The following SPAG16 variants were observed in gnomAD, a reference collection of about 807,000 sequenced individuals.
SPAG16 encodes sperm associated antigen 16, also known as sperm-associated antigen 16 protein.
A neutral mutation model predicts 80.4 loss-of-function variants in SPAG16; 86 were observed. The ratio of observed to expected loss-of-function variants is 1.07; its 90% CI spans 0.90 to 1.28. SPAG16 has a LOEUF of 1.28. Ranked by LOEUF, SPAG16 falls within the 50% of genes most tolerant of loss-of-function variation. The probability of loss-of-function intolerance (pLI) is 0.00; values close to 1 mark genes in which losing one functional copy is unlikely to be tolerated. For missense variants in SPAG16, 870 were observed against 765.3 expected, an observed-to-expected ratio of 1.14 and a Z score of -1.61; for synonymous variants, 294 against 265.9, an observed-to-expected ratio of 1.11 and a Z score of -1.03.
At position 214,114,618 on chromosome 2, in the gene SPAG16, C is replaced by G. The variant is rs1255733423; in HGVS notation, c.1593+6357C>G. Among the ~76,000 whole-genome samples the G allele has an allele frequency of 2.6e-5, 4 of 152,320 alleles. No homozygotes were observed. In the East Asian group the frequency reaches 5.8e-4, roughly 22 times the overall value. On this transcript the variant is annotated intron_variant, in intron 14 of 15. Coordinates refer to ENST00000331683, the MANE Select transcript of SPAG16 (RefSeq NM_024532.5). Reference sequence around the variant, plus strand: ...GGGACCCCCTGCCCCGAGCCAGGCACAGGAGAGAATCTCCTTGTCTGCCGG... The same window carrying G: ...GGGACCCCCTGCCCCGAGCCAGGCAGAGGAGAGAATCTCCTTGTCTGCCGG...
At chr2:213,985,798 A>G (rs10469665) in intron 12 of SPAG16, among the ~76,000 whole-genome samples, 1 of 151,848 alleles carries the variant, frequency 6.6e-6, no homozygotes, top group African/African-American at 2.4e-5. Flanking sequence ...AAATAGAAAG[A>G]CAGACAAGGA....
At chr2:213,468,323 AG>A (rs1393332191) in intron 9 of SPAG16, among the ~76,000 whole-genome samples, 1 of 150,208 alleles carries the variant, frequency 6.7e-6, no homozygotes, top group African/African-American at 2.4e-5. Context: ...TGTATTAGTC[AG>A]GGCTCTCTAG....
chr2:214,157,789 G>T (rs1274140535), intron 15 of SPAG16, among the ~76,000 whole-genome samples: 1 of 151,986 alleles, frequency 6.6e-6, no homozygotes, highest in Non-Finnish European at 1.5e-5. Context: ...ATTTATTCAG[G>T]AAACGAAGTC....
rs2078705778 is a variant in SPAG16 at position 213,930,568 on chromosome 2, TTTG to T, written c.1400+426_1400+428del. Among the ~76,000 whole-genome samples the T allele has an allele frequency of 2.6e-5, 4 of 152,338 alleles. No homozygotes were observed. The South Asian group carries it at 8.3e-4, about 32-fold the overall frequency. On this transcript the variant is annotated intron_variant, in intron 12 of 15. Coordinates refer to ENST00000331683, the MANE Select transcript of SPAG16 (RefSeq NM_024532.5). ...AAATAATTATTTTCTTTATGCTTAA[TTTG>T]TTATGTCGTGATATTCTTGATTAAA...
chr2:213,781,588 C>T (rs887677416), intron 10 of SPAG16, among the ~76,000 whole-genome samples: 4 of 152,070 alleles, frequency 2.6e-5, no homozygotes, highest in Non-Finnish European at 4.4e-5. Flanking sequence ...CTGCTCACAA[C>T]AGTATTTAAA....
At chr2:213,344,426 C>T (rs547491263) in intron 6 of SPAG16, among the ~76,000 whole-genome samples, 13 of 151,802 alleles carry the variant, frequency 8.6e-5, no homozygotes, top group Admixed American at 2.0e-4. Context: ...ATGTGCACAG[C>T]GTGCAGGTTT....
intron 10 of SPAG16, among the ~76,000 whole-genome samples, chr2:213,774,028 C>G (rs1473239249): frequency 1.3e-5 from 2 of 152,082 alleles, no homozygotes; most frequent in East Asian, 3.9e-4. Flanking sequence ...TCTGTTCACT[C>G]CTATTTTCTA....
intron 9 of SPAG16, among the ~76,000 whole-genome samples, chr2:213,407,903 A>T (rs1213657094): frequency 3.0e-5 from 4 of 134,296 alleles, no homozygotes; most frequent in Non-Finnish European, 6.4e-5. Flanking sequence ...GAGACAGGAG[A>T]GAGGCAGAGA....
intron 14 of SPAG16, among the ~76,000 whole-genome samples, chr2:214,130,382 A>G (rs2054705994): frequency 6.6e-6 from 1 of 152,176 alleles, no homozygotes. Context: ...CTGGTTCTGT[A>G]TTAACTTTGA....
chr2:213,833,473 A>ATATAATATATTATATATATT lies in SPAG16; in HGVS notation c.1071-29012_1071-29011insTATAATATATTATATATATT, dbSNP rs1431535446. On this transcript the variant is annotated intron_variant, in intron 10 of 15. Transcript: ENST00000331683. ...TATATATTATATATATATTATATAT[A>ATATAATATATTATATATATT]ATAATATATATATTATATATAATAT... Among the ~76,000 whole-genome samples the ATATAATATATTATATATATT allele has an allele frequency of 3.0e-3, 20 of 6,750 alleles. 6 individuals carry two copies. In the South Asian group the frequency reaches 0.039, roughly 13 times the overall value. 4.4% of individuals were successfully genotyped at this position (6,750 alleles called of 152,430 possible).
intron 14 of SPAG16, among the ~76,000 whole-genome samples, chr2:214,147,563 G>A (rs1164762598): frequency 6.6e-6 from 1 of 152,018 alleles, no homozygotes; most frequent in African/African-American, 2.4e-5. Flanking sequence ...CCTTATATTT[G>A]GAAAGAATTC....
chr2:214,205,223 A>G (rs565702202), intron 15 of SPAG16, among the ~76,000 whole-genome samples: 2 of 134,814 alleles, frequency 1.5e-5, no homozygotes, highest in African/African-American at 4.9e-5. Context: ...GACTCTGCCA[A>G]AAAAAAAGAA....
intron 10 of SPAG16, among the ~76,000 whole-genome samples, chr2:213,574,673 A>T (rs1477404806): frequency 6.7e-6 from 1 of 148,282 alleles, no homozygotes; most frequent in East Asian, 1.9e-4. Flanking sequence ...TATGATATAT[A>T]TATGATATAT....
intron 10 of SPAG16, among the ~76,000 whole-genome samples, chr2:213,512,088 C>T (rs543193977): frequency 1.4e-4 from 21 of 151,966 alleles, no homozygotes; most frequent in African/African-American, 5.1e-4. Flanking sequence ...TCATGGTTAT[C>T]AATGAATAAC....
Position 214,292,319 on chromosome 2 carries a change from G to GT in SPAG16, c.1721-117814dup, listed in dbSNP as rs533003690. ...TGGACTTGGAAAGTTTTGATTTATT[G>GT]TTTTTTTAAATAGGATCTTAACTAA... is the stretch of plus-strand genomic sequence containing the variant. On this transcript the variant is annotated intron_variant, in intron 15 of 15. Transcript: ENST00000331683. Among the ~76,000 whole-genome samples the GT allele has an allele frequency of 1.5e-4, 23 of 152,064 alleles. No homozygotes were observed. In the South Asian group the frequency reaches 4.2e-3, roughly 27 times the overall value.
At chr2:213,661,671 T>C (rs911170370) in intron 10 of SPAG16, among the ~76,000 whole-genome samples, 1 of 152,204 alleles carries the variant, frequency 6.6e-6, no homozygotes, top group Non-Finnish European at 1.5e-5. Flanking sequence ...AATGTAAAAA[T>C]TTCCTTCATC....
chr2:213,741,429 T>C (rs542087072), intron 10 of SPAG16, among the ~76,000 whole-genome samples: 74 of 152,204 alleles, frequency 4.9e-4, no homozygotes, highest in Non-Finnish European at 8.4e-4. Flanking sequence ...CAGAAGCAAA[T>C]ATCTGTTAGG....
chr2:214,156,359 G>T (rs942819127), intron 15 of SPAG16, among the ~76,000 whole-genome samples: 1 of 152,150 alleles, frequency 6.6e-6, no homozygotes, highest in Non-Finnish European at 1.5e-5. Context: ...TGTTATTCTT[G>T]CTTCTGTTTT....
At chr2:213,510,395 T>A (rs1256152759) in intron 10 of SPAG16, among the ~76,000 whole-genome samples, 3 of 152,128 alleles carry the variant, frequency 2.0e-5, no homozygotes, top group Admixed American at 1.3e-4. Context: ...ACATTTTTTT[T>A]ATTATTTTAT....
Sources: gnomAD v4.1 joint callset for allele counts (sites outside exome capture counted in the v4.1 genomes callset) on GRCh38, gnomAD v4.1.1 for gene constraint, MANE v1.5 for transcripts, NCBI Gene and HGNC (gene_info 2026-07-23, HGNC 2026-07-21) for gene names.